Variants in EXOC6 observed in about 807,000 individuals in gnomAD.
EXOC6 encodes the protein SEC15-like 1.
A neutral mutation model predicts 112.5 loss-of-function variants in EXOC6; 60 were observed. The ratio of observed to expected loss-of-function variants is 0.53; its 90% CI spans 0.43 to 0.66. The LOEUF (loss-of-function observed/expected upper bound fraction) is 0.66, where lower values mean the gene tolerates loss of function less well. Among genes scored for constraint, EXOC6 ranks in the 30% least tolerant of loss-of-function variants. The pLI, the probability that EXOC6 is intolerant of heterozygous loss-of-function variation, is 0.00. For synonymous variants in EXOC6, 295 were observed against 308.0 expected, an observed-to-expected ratio of 0.96 and a Z score of 0.44; for missense variants, 855 against 957.1, an observed-to-expected ratio of 0.89 and a Z score of 1.41.
chr10:92,921,921 A>G (rs1487830133), intron 8 of EXOC6, among the ~76,000 whole-genome samples: 3 of 151,918 alleles, frequency 2.0e-5, no homozygotes, highest in Non-Finnish European at 2.9e-5. Context: ...TGGTATATAT[A>G]ACCAAAAATT....
At chr10:93,038,503 C>T (rs567320375) in intron 20 of EXOC6, among the ~76,000 whole-genome samples, 3 of 152,252 alleles carry the variant, frequency 2.0e-5, no homozygotes, top group South Asian at 2.1e-4. Flanking sequence ...GAACATGACA[C>T]GTAATTTCCC....
chr10:92,896,077 A>C, intron 4 of EXOC6, among the ~76,000 whole-genome samples: 1 of 108,956 alleles, frequency 9.2e-6, no homozygotes, highest in African/African-American at 3.2e-5. Flanking sequence ...ATGTGTATAT[A>C]TATGTGTATA....
chr10:92,975,295 G>C (rs1317018602), intron 18 of EXOC6, among the ~76,000 whole-genome samples: 1 of 150,464 alleles, frequency 6.6e-6, no homozygotes, highest in Non-Finnish European at 1.5e-5. Context: ...CTGCTCGGCC[G>C]CCCCGTCTGA....
At chr10:92,925,525 C>T (rs1589843200) in intron 8 of EXOC6, among the ~76,000 whole-genome samples, 1 of 152,108 alleles carries the variant, frequency 6.6e-6, no homozygotes, top group Non-Finnish European at 1.5e-5. Context: ...GAACTCCTGG[C>T]CTCAAGTGAT....
chr10:92,932,879 C>T (rs1368985225), intron 9 of EXOC6, among the ~76,000 whole-genome samples: 4 of 152,014 alleles, frequency 2.6e-5, no homozygotes, highest in African/African-American at 9.7e-5. Flanking sequence ...AATTAAAATA[C>T]ACAACAGTAA....
In EXOC6 at chr10:93,037,444, A is replaced by ATTT. The variant is rs397846785; in HGVS notation, c.2170-19470_2170-19468dup. Among the ~76,000 whole-genome samples, 929 of 146,856 alleles carry ATTT rather than the reference A, an allele frequency of 6.3e-3. 6 individuals are homozygous for ATTT. Among genetic ancestry groups the ATTT allele is most frequent in the African/African-American group, 0.022 (881 of 40,122 alleles). ...ACTACATCCAGCCCTATTATTCTCC[A>ATTT]TTTTTTTTTTTTGAAATGGAGTTTC... On this transcript the variant is annotated intron_variant, in intron 20 of 21. Coordinates refer to ENST00000260762, the MANE Select transcript of EXOC6 (RefSeq NM_019053.6).
In EXOC6 at chr10:93,053,606, C is replaced by T. The variant is rs373467262; in HGVS notation, c.2170-3318C>T. 5.9e-5 allele frequency among the ~76,000 whole-genome samples: 9 copies of T among 152,300 alleles called. No individual in the cohort carries two copies. The East Asian group carries it at 1.5e-3, about 26-fold the overall frequency. On this transcript the variant is annotated intron_variant, in intron 20 of 21. Transcript: ENST00000260762. ...ACTATATTCACTTGCCATAGTTTGC[C>T]TGCAAGCCAACATTGGCCTTTTTCA...
chr10:92,926,125 GA>G (rs949997360), intron 8 of EXOC6, among the ~76,000 whole-genome samples: 5 of 150,306 alleles, frequency 3.3e-5, no homozygotes, highest in South Asian at 2.1e-4. Context: ...ATTAATGGGG[GA>G]AAAAAAAGTC....
At chr10:93,047,252 G>A (rs1415323408) in intron 20 of EXOC6, among the ~76,000 whole-genome samples, 1 of 152,036 alleles carries the variant, frequency 6.6e-6, no homozygotes, top group Non-Finnish European at 1.5e-5. Flanking sequence ...AAAGTTGGGA[G>A]AGGGCCAGGC....
At chr10:92,975,139 G>A (rs1213128271) in intron 18 of EXOC6, among the ~76,000 whole-genome samples, 4 of 151,798 alleles carry the variant, frequency 2.6e-5, no homozygotes, top group African/African-American at 4.8e-5. Context: ...CTTCCCGGCC[G>A]CCATCCCATG....
intron 1 of EXOC6, among the ~76,000 whole-genome samples, chr10:92,838,159 G>A: frequency 6.6e-6 from 1 of 152,184 alleles, no homozygotes. Context: ...TTCTTTTGCA[G>A]AGCATTCAAA....
intron 9 of EXOC6, among the ~76,000 whole-genome samples, chr10:92,931,826 A>T (rs1245814698): frequency 6.6e-6 from 1 of 152,068 alleles, no homozygotes; most frequent in African/African-American, 2.4e-5. Context: ...TGGAACTCTC[A>T]TACACTTCTG....
Position 93,058,297 on chromosome 10 carries a change from T to C in EXOC6, c.2357T>C (p.Ile786Thr), listed in dbSNP as rs960123304. The change falls in exon 22 of 22, where the codon ATA becomes ACA. Residue 786 changes from isoleucine to threonine, a missense_variant. Around this residue, in one of 2 missense-constraint regions of EXOC6, gnomAD observed 450 missense variants for 563.5 expected, o/e 0.80. Coordinates refer to ENST00000260762, the MANE Select transcript of EXOC6 (RefSeq NM_019053.6). ...AATGATCGAGACAAACAGAAGTTGA[T>C]AGAGACAGTCGTGAAACAGCTGAGA... ...RKNDRDKQKL[I>T]ETVVKQLRSL... 6.2e-7 allele frequency: 1 copy of C among 1,611,874 alleles called. No homozygotes were observed. Among genetic ancestry groups the C allele is most frequent in the Non-Finnish European group, 8.5e-7 (1 of 1,179,578 alleles).
intron 1 of EXOC6, among the ~76,000 whole-genome samples, chr10:92,891,524 C>T (rs989528455): frequency 1.3e-5 from 2 of 152,146 alleles, no homozygotes; most frequent in African/African-American, 4.8e-5. Flanking sequence ...CTCTGTCACC[C>T]AGGCTGGGGT....
chr10:92,868,732 G>T (rs1189236310), intron 1 of EXOC6, among the ~76,000 whole-genome samples: 1 of 151,486 alleles, frequency 6.6e-6, no homozygotes, highest in Non-Finnish European at 1.5e-5. Context: ...AATTCCTTAA[G>T]ATTATGTGTA....
At chr10:92,944,667 C>T (rs1019704743) in intron 13 of EXOC6, among the ~76,000 whole-genome samples, 2 of 152,236 alleles carry the variant, frequency 1.3e-5, no homozygotes, top group African/African-American at 2.4e-5. Flanking sequence ...TTTACATTGC[C>T]ACCAACAGCG....
intron 19 of EXOC6, among the ~76,000 whole-genome samples, chr10:93,010,138 A>G (rs542493609): frequency 1.3e-5 from 2 of 152,232 alleles, no homozygotes; most frequent in Admixed American, 1.3e-4. Context: ...CTGTGAATCA[A>G]TAGCATATCA....
chr10:92,900,772 T>C (rs955266469), intron 5 of EXOC6: 2 of 152,126 alleles, frequency 1.3e-5, no homozygotes, highest in African/African-American at 4.8e-5. Context: ...TTTATATTTA[T>C]GTCTTTAAAT....
At chr10:92,932,735 G>A (rs796381693) in intron 9 of EXOC6, among the ~76,000 whole-genome samples, 6 of 151,996 alleles carry the variant, frequency 3.9e-5, no homozygotes, top group African/African-American at 1.4e-4. Flanking sequence ...GATGCAAGAA[G>A]GAATGAATAG....
Sources: gnomAD v4.1 joint callset for allele counts (sites outside exome capture counted in the v4.1 genomes callset) on GRCh38, gnomAD v4.1.1 for gene constraint, gnomAD v4.1.1 regional missense constraint, MANE v1.5 for transcripts, NCBI Gene and HGNC (gene_info 2026-07-23, HGNC 2026-07-21) for gene names.